Variants in BPGM observed in about 807,000 individuals in gnomAD.
The protein encoded by BPGM is 2,3-bisphosphoglycerate mutase, erythrocyte.
In BPGM, 15 loss-of-function variants were observed where a neutral mutation model predicts 21.6. The ratio of observed to expected loss-of-function variants is 0.70; its 90% CI spans 0.47 to 1.07. BPGM has a LOEUF of 1.07. BPGM is among the 50% of genes least tolerant of loss of function. The pLI, the probability that BPGM is intolerant of heterozygous loss-of-function variation, is 0.00. For missense variants in BPGM, 273 were observed against 319.0 expected, an observed-to-expected ratio of 0.86 and a Z score of 1.10; for synonymous variants, 113 against 116.2, an observed-to-expected ratio of 0.97 and a Z score of 0.18.
chr7:134,669,031 T>C (rs945274232), intron 2 of BPGM, among the ~76,000 whole-genome samples: 2 of 152,172 alleles, frequency 1.3e-5, no homozygotes, highest in African/African-American at 4.8e-5. Flanking sequence ...CTAAAAAGGG[T>C]GACTTTTGCT....
chr7:134,651,244 T>A (rs990975086), intron 1 of BPGM, among the ~76,000 whole-genome samples: 2 of 152,200 alleles, frequency 1.3e-5, no homozygotes, highest in Admixed American at 6.5e-5. Context: ...ATATTGCTGA[T>A]CAAATTTCTT....
In BPGM at chr7:134,661,582, G is replaced by A; in HGVS notation, c.75G>A (p.Trp25Ter). Residue 25 changes from tryptophan to a stop codon, truncating the protein, a stop_gained, in exon 2 of 3, where the codon TGG becomes TGA. Coordinates refer to ENST00000344924, the MANE Select transcript of BPGM (RefSeq NM_001724.5). LOFTEE classifies it high-confidence loss of function. This position sits in a 1 kb window ranked among gnomAD's most constrained non-coding sequence, Gnocchi z 4.6. ...ATAAGGAGAACCGTTTTTGTAGCTG[G>A]GTGGATCAGAAACTCAACAGCGAAG... ...AWNKENRFCS[W>*]VDQKLNSEGM... The A allele has an allele frequency of 6.2e-7, 1 of 1,614,158 alleles. No homozygotes were observed. Among genetic ancestry groups the A allele is most frequent in the Non-Finnish European group, 8.5e-7 (1 of 1,180,024 alleles).
At chr7:134,654,076 C>CT (rs1361072580) in intron 1 of BPGM, among the ~76,000 whole-genome samples, 3 of 152,100 alleles carry the variant, frequency 2.0e-5, no homozygotes, top group South Asian at 2.1e-4. Flanking sequence ...TCCCACCTCT[C>CT]TTTTACTAAT....
chr7:134,671,000 C>A (rs1451326070), intron 2 of BPGM, among the ~76,000 whole-genome samples: 1 of 152,134 alleles, frequency 6.6e-6, no homozygotes, highest in Non-Finnish European at 1.5e-5. Flanking sequence ...TTTATTGGCA[C>A]TAGATGTAAA....
At chr7:134,676,345 T>C (rs1795983183) in intron 2 of BPGM, among the ~76,000 whole-genome samples, 1 of 152,260 alleles carries the variant, frequency 6.6e-6, no homozygotes, top group Non-Finnish European at 1.5e-5. Flanking sequence ...TATACACTCA[T>C]AGTTTCTACT....
At chr7:134,649,265 C>T (rs1354162426) in intron 1 of BPGM, among the ~76,000 whole-genome samples, 42 of 152,018 alleles carry the variant, frequency 2.8e-4, no homozygotes, top group Admixed American at 2.7e-3. Context: ...AGGATATACT[C>T]TTTTGTGTTC....
intron 1 of BPGM, among the ~76,000 whole-genome samples, chr7:134,648,132 G>GTTTTTT (rs1037270275): frequency 2.8e-5 from 4 of 144,256 alleles, no homozygotes; most frequent in East Asian, 2.1e-4. Context: ...TTTTGTTTTG[G>GTTTTTT]TTTTTTTTTT....
rs1310884760 is a variant in BPGM at position 134,679,515 on chromosome 7, T to TAA, written c.*485_*486dup. The TAA allele has an allele frequency of 6.4e-6, 1 of 155,636 alleles. No individual in the cohort carries two copies. The highest frequency in any genetic ancestry group is 2.4e-5 in the African/African-American group (1 of 41,476). The allele number at this position is 155,636 out of a possible 1,614,324, so 9.6% of individuals were successfully genotyped here. On this transcript the variant is annotated 3_prime_UTR_variant, in exon 3 of 3. Transcript: ENST00000344924. Reference sequence around the variant, plus strand: ...CTAGGAAAAGGGATACTTTGATAATTAAGGCCAGAGGCCCATTAGTTGAGA... The same window carrying TAA: ...CTAGGAAAAGGGATACTTTGATAATTAAAAGGCCAGAGGCCCATTAGTTGAGA...
chr7:134,668,101 T>C (rs1286947522), intron 2 of BPGM, among the ~76,000 whole-genome samples: 1 of 152,084 alleles, frequency 6.6e-6, no homozygotes, highest in Non-Finnish European at 1.5e-5. Context: ...GTTCTGAAGA[T>C]GTTAGTTGTT....
At chr7:134,651,939 A>G (rs1053001602) in intron 1 of BPGM, among the ~76,000 whole-genome samples, 10 of 152,218 alleles carry the variant, frequency 6.6e-5, no homozygotes, top group African/African-American at 2.4e-4. Flanking sequence ...GAAGATGTCT[A>G]ATGGGGTAAA....
At chr7:134,677,483 C>T (rs1032200025) in intron 2 of BPGM, among the ~76,000 whole-genome samples, 32 of 152,104 alleles carry the variant, frequency 2.1e-4, no homozygotes, top group Admixed American at 7.2e-4. Flanking sequence ...TAGGCCTTGA[C>T]GTGAAATTCT....
chr7:134,675,431 G>A (rs1163190295), intron 2 of BPGM, among the ~76,000 whole-genome samples: 4 of 151,994 alleles, frequency 2.6e-5, no homozygotes, highest in African/African-American at 7.2e-5. Context: ...TTTATATAAA[G>A]TATGAGTCAG....
chr7:134,661,650 TA>T lies in BPGM; in HGVS notation c.146del (p.Asn49ThrfsTer21). Reference protein sequence around the residue: ...ARNCGKQLKALNFEFDLVFTS... With the variant: ...ARNCGKQLKAXNFEFDLVFTS... ...AACTGTGGGAAGCAACTCAAAGCGTTAAACTTTGAGTTTGATCTTGTATTCA... is the reference window on the plus strand; with the variant it reads ...AACTGTGGGAAGCAACTCAAAGCGTTAACTTTGAGTTTGATCTTGTATTCA... On this transcript the variant is annotated frameshift_variant, in exon 2 of 3. Coordinates refer to ENST00000344924, the MANE Select transcript of BPGM (RefSeq NM_001724.5). LOFTEE classifies it high-confidence loss of function. This position sits in a 1 kb window ranked among gnomAD's most constrained non-coding sequence, Gnocchi z 4.6. The T allele has an allele frequency of 6.2e-7, 1 of 1,614,196 alleles. No individual in the cohort carries two copies. Among genetic ancestry groups the T allele is most frequent in the Non-Finnish European group, 8.5e-7 (1 of 1,180,030 alleles).
chr7:134,665,775 T>TTTTTA (rs1039547751), intron 2 of BPGM, among the ~76,000 whole-genome samples: 1 of 151,642 alleles, frequency 6.6e-6, no homozygotes. Context: ...TCTAAAGGGC[T>TTTTTA]TTTTATTTTA....
At chr7:134,650,601 T>C (rs1795539830) in intron 1 of BPGM, among the ~76,000 whole-genome samples, 1 of 152,150 alleles carries the variant, frequency 6.6e-6, no homozygotes, top group Admixed American at 6.5e-5. Context: ...GTGAACTTGA[T>C]TTGGGGGAAG....
At chr7:134,659,687 C>T (rs969847371) in intron 1 of BPGM, among the ~76,000 whole-genome samples, 3 of 152,154 alleles carry the variant, frequency 2.0e-5, no homozygotes, top group Admixed American at 2.0e-4. Flanking sequence ...TGCACATGCA[C>T]AGCAACCTGG....
intron 1 of BPGM, among the ~76,000 whole-genome samples, chr7:134,659,049 T>C (rs1795687759): frequency 6.6e-6 from 1 of 152,100 alleles, no homozygotes; most frequent in African/African-American, 2.4e-5. Context: ...AATCAAAAGA[T>C]GGTGGAAAGG....
At chr7:134,675,407 A>C (rs1391101653) in intron 2 of BPGM, among the ~76,000 whole-genome samples, 2 of 152,050 alleles carry the variant, frequency 1.3e-5, no homozygotes, top group African/African-American at 4.8e-5. Context: ...TCTTTGATTC[A>C]TTTTGAGTTA....
intron 2 of BPGM, among the ~76,000 whole-genome samples, chr7:134,667,921 G>A (rs1795844494): frequency 6.6e-6 from 1 of 152,154 alleles, no homozygotes; most frequent in Admixed American, 6.5e-5. Context: ...TTGAAAACTA[G>A]GGTGGGAAGA....
Sources: allele counts gnomAD v4.1 joint callset (sites outside exome capture counted in the v4.1 genomes callset), GRCh38; gene constraint gnomAD v4.1.1; non-coding constraint Gnocchi (gnomAD v3.1); transcripts MANE v1.5; gene names NCBI Gene and HGNC (gene_info 2026-07-23, HGNC 2026-07-21).